Variants in NUP210L observed in about 807,000 individuals in gnomAD.
The protein encoded by NUP210L is nucleoporin 210 like, also known as nuclear pore membrane glycoprotein 210-like.
In NUP210L, 74 loss-of-function variants were observed where a neutral mutation model predicts 208.5. The observed-to-expected ratio is 0.35, with a 90% CI of 0.29 to 0.43. NUP210L has a LOEUF of 0.43. Ranked by LOEUF, NUP210L falls within the 20% of genes least tolerant of loss-of-function variation. The pLI is 1.00. For missense variants in NUP210L, 1,843 were observed against 2,289.4 expected (o/e 0.81, Z 3.98); for synonymous variants, 780 against 816.9 (o/e 0.95, Z 0.77).
At position 154,098,197 on chromosome 1, in the gene NUP210L, G is replaced by A. The variant is rs191826337; in HGVS notation, c.1965+1801C>T. Among the ~76,000 whole-genome samples, 161 of 152,314 alleles carry A rather than the reference G, an allele frequency of 1.1e-3. 1 individual carries two copies. Among genetic ancestry groups the A allele is most frequent in the African/African-American group, 3.7e-3 (155 of 41,570 alleles). The stretch of plus-strand genomic sequence containing the variant: ...TGCAAGCAGCTTCCACGCTGCCACT[G>A]GGGAACACAGTGGTGCCTGGAAGCT... On this transcript the variant is annotated intron_variant, in intron 14 of 39. Coordinates refer to ENST00000368559, the Ensembl canonical transcript of NUP210L.
At position 154,068,925 on chromosome 1, in the gene NUP210L, T is replaced by C. The variant is rs554481661; in HGVS notation, c.2554+1348A>G. Among the ~76,000 whole-genome samples the C allele has an allele frequency of 1.9e-3, 283 of 152,124 alleles. 1 individual carries two copies. Among genetic ancestry groups the C allele is most frequent in the Non-Finnish European group, 2.8e-3 (188 of 67,996 alleles). On this transcript the variant is annotated intron_variant, in intron 17 of 39. Coordinates refer to ENST00000368559, the Ensembl canonical transcript of NUP210L. ...CACCAGCATGGCACATGTATACATATGTAACTAACCTGCACATTGTGCACA... is the reference window on the plus strand; with the variant it reads ...CACCAGCATGGCACATGTATACATACGTAACTAACCTGCACATTGTGCACA...
intron 16 of NUP210L, among the ~76,000 whole-genome samples, chr1:154,089,145 C>T (rs1571259031): frequency 6.6e-6 from 1 of 152,108 alleles, no homozygotes; most frequent in South Asian, 2.1e-4. Context: ...AATCACCTCT[C>T]CTCAGACACT....
At chr1:154,095,003 A>G (rs1263061676) in exon 15 of NUP210L, 3 of 1,614,040 alleles carry the variant, frequency 1.9e-6, no homozygotes, top group Non-Finnish European at 2.5e-6. Context: ...GATGGCAGCC[A>G]CACTTGTGCT....
At chr1:154,135,201 CAT>C (rs911097059) in intron 7 of NUP210L, among the ~76,000 whole-genome samples, 13 of 152,168 alleles carry the variant, frequency 8.5e-5, no homozygotes, top group African/African-American at 2.2e-4. Context: ...AAAATTCTCA[CAT>C]GTTCTTCCAA....
chr1:154,141,644 T>C, intron 3 of NUP210L, 120 bp from the exon 4 acceptor site: 2 of 638,306 alleles, frequency 3.1e-6, no homozygotes, highest in East Asian at 2.7e-5. Context: ...CATTAAGAAA[T>C]AGAAAGCACT....
chr1:154,104,638 C>A (rs1656654013), intron 12 of NUP210L: 1 of 152,840 alleles, frequency 6.5e-6, no homozygotes, highest in African/African-American at 2.4e-5. Context: ...CAACACAGGG[C>A]AGAATTCAGT....
chr1:154,133,329 G>A (rs930750401), intron 7 of NUP210L, among the ~76,000 whole-genome samples: 1 of 152,032 alleles, frequency 6.6e-6, no homozygotes, highest in Admixed American at 6.6e-5. Flanking sequence ...GCCTAGGCAG[G>A]AGGTTCATTT....
At chr1:154,127,324 A>G in exon 9 of NUP210L, 1 of 1,551,022 alleles carries the variant, frequency 6.4e-7, no homozygotes, top group Non-Finnish European at 8.9e-7. Context: ...TGAAATATAG[A>G]CCTTTGTGCT....
At chr1:153,996,476 C>T (rs1649874100) in intron 37 of NUP210L, among the ~76,000 whole-genome samples, 1 of 152,098 alleles carries the variant, frequency 6.6e-6, no homozygotes, top group Non-Finnish European at 1.5e-5. Context: ...GGCTGGAGTG[C>T]AGTGGCACCA....
In NUP210L at chr1:154,106,451, G is replaced by T. The variant is rs183133097; in HGVS notation, c.1621-2241C>A. 7.9e-5 allele frequency among the ~76,000 whole-genome samples: 12 copies of T among 152,194 alleles called. No individual in the cohort carries two copies. The South Asian group carries it at 1.9e-3, about 24-fold the overall frequency. On this transcript the variant is annotated intron_variant, in intron 12 of 39. Transcript: ENST00000368559. ...AGGAGCTTCCCATCCTGAAACGAAG[G>T]CCACAAGCCTGGCTGAATTTGCTAC...
rs79241502 is a variant in NUP210L, at chr1:154,061,726, G to T, written c.2555-52C>A. ...TGAGAAACAATAACATGTAGAATAC[G>T]CAAGTGTTTCTAGAAAACCACATTC... On this transcript the variant is annotated intron_variant, in intron 17 of 39. Coordinates refer to ENST00000368559, the Ensembl canonical transcript of NUP210L. 274 of 1,134,184 alleles carry T rather than the reference G, an allele frequency of 2.4e-4. No individual in the cohort carries two copies. The African/African-American group carries it at 3.9e-3, about 16-fold the overall frequency. 70.3% of individuals were successfully genotyped at this position (1,134,184 alleles called of 1,614,324 possible). A position where few individuals can be genotyped will look rare whatever the true frequency, so the allele number is the denominator to read the frequency against.
At chr1:154,062,260 T>A (rs1654179234) in intron 17 of NUP210L, among the ~76,000 whole-genome samples, 1 of 152,168 alleles carries the variant, frequency 6.6e-6, no homozygotes, top group Non-Finnish European at 1.5e-5. Flanking sequence ...GCTTTGATGG[T>A]CTATGAGTCC....
intron 20 of NUP210L, among the ~76,000 whole-genome samples, 198 bp from the exon 21 acceptor site, chr1:154,058,891 T>G (rs1654005291): frequency 6.6e-6 from 1 of 152,208 alleles, no homozygotes; most frequent in Admixed American, 6.5e-5. Flanking sequence ...GCAAAATCTG[T>G]ACTTTAACAA....
intron 10 of NUP210L, among the ~76,000 whole-genome samples, chr1:154,124,866 C>T (rs1033115828): frequency 9.9e-5 from 15 of 152,076 alleles, no homozygotes; most frequent in Admixed American, 9.8e-4. Context: ...GCAGGAGGAT[C>T]ACTTGAGCCC....
At chr1:154,042,058 A>G (rs1420034828) in intron 27 of NUP210L, among the ~76,000 whole-genome samples, 1 of 152,118 alleles carries the variant, frequency 6.6e-6, no homozygotes, top group African/African-American at 2.4e-5. Context: ...ACAGTGTAGG[A>G]AATCTACCCA....
chr1:154,003,736 C>T lies in NUP210L; in HGVS notation c.4931-1751G>A, dbSNP rs188055879. Among the ~76,000 whole-genome samples, 95 of 152,292 alleles carry T rather than the reference C, an allele frequency of 6.2e-4. No homozygotes were observed. The South Asian group carries it at 6.8e-3, about 11-fold the overall frequency. ...CTCCTGGGCTCAAGTGATCCTCCCA[C>T]TTCAGCCTCCTAAAACATTGGGATT... On this transcript the variant is annotated intron_variant, in intron 35 of 39. Transcript: ENST00000368559.
At chr1:154,106,476 C>T (rs1011272030) in intron 12 of NUP210L, among the ~76,000 whole-genome samples, 2 of 152,156 alleles carry the variant, frequency 1.3e-5, no homozygotes, top group Non-Finnish European at 2.9e-5. Context: ...GAATTTGCTA[C>T]CCACTAACTG....
rs993828789 is a variant in NUP210L at position 154,038,337 on chromosome 1, C to CT, written c.3696+7731dup. Among the ~76,000 whole-genome samples, 688 of 134,598 alleles carry CT rather than the reference C, an allele frequency of 5.1e-3. 4 individuals are homozygous for CT. The highest frequency in any genetic ancestry group is 0.011 in the African/African-American group (420 of 37,010). 88.3% of individuals were successfully genotyped at this position (134,598 alleles called of 152,430 possible). On this transcript the variant is annotated intron_variant, in intron 27 of 39. Transcript: ENST00000368559. Reference sequence around the variant, plus strand: ...TGTAGAGACAGGGTTTTTTCTTTTTCTTTTTTTTTTTTTTTTATTTTTGAG... The same window carrying CT: ...TGTAGAGACAGGGTTTTTTCTTTTTCTTTTTTTTTTTTTTTTTATTTTTGAG...
chr1:154,063,707 T>C (rs1002974179), intron 17 of NUP210L, among the ~76,000 whole-genome samples: 3 of 152,104 alleles, frequency 2.0e-5, no homozygotes, highest in Non-Finnish European at 4.4e-5. Context: ...CAATCTCTCA[T>C]GGTGGTTAGA....
Sources: gnomAD v4.1 joint callset for allele counts (sites outside exome capture counted in the v4.1 genomes callset) on GRCh38, gnomAD v4.1.1 for gene constraint, MANE v1.5 for transcripts, NCBI Gene and HGNC (gene_info 2026-07-23, HGNC 2026-07-21) for gene names.